LAMC2: variants seen among roughly 807,000 people sequenced by gnomAD.
LAMC2 encodes laminin subunit gamma 2.
Under a neutral mutation model 140.2 loss-of-function variants are expected in LAMC2, and 97 were observed. The observed-to-expected ratio is 0.69, with a 90% CI of 0.59 to 0.82. LAMC2 has a LOEUF of 0.82. Ranked by LOEUF, LAMC2 falls within the 40% of genes least tolerant of loss-of-function variation. LAMC2 has a pLI of 0.00. For synonymous variants in LAMC2, 513 were observed against 540.2 expected, an observed-to-expected ratio of 0.95 and a Z score of 0.70; for missense variants, 1,402 against 1,476.1, an observed-to-expected ratio of 0.95 and a Z score of 0.82.
chr1:183,195,008 G>C (rs530627973), intron 1 of LAMC2, among the ~76,000 whole-genome samples: 1 of 152,298 alleles, frequency 6.6e-6, no homozygotes, highest in South Asian at 2.1e-4. Flanking sequence ...GCCTTTGACA[G>C]TGCCAGCTAT....
At chr1:183,192,486 C>T (rs568220931) in intron 1 of LAMC2, among the ~76,000 whole-genome samples, 1 of 152,242 alleles carries the variant, frequency 6.6e-6, no homozygotes, top group Non-Finnish European at 1.5e-5. Context: ...GGGTTCTCTA[C>T]AAGAGCCTCT....
downstream of LAMC2, among the ~76,000 whole-genome samples, chr1:183,248,073 T>C (rs1660276288): frequency 2.0e-5 from 3 of 152,246 alleles, no homozygotes; most frequent in South Asian, 6.2e-4. Context: ...TGGATGTGGC[T>C]GTACATACTT....
In LAMC2 at chr1:183,238,413, A is replaced by C; in HGVS notation, c.2861A>C (p.Asn954Thr). Residue 954 changes from asparagine (N) to threonine (T), a missense_variant, in exon 19 of 23, where the codon AAC becomes ACC. By Grantham distance (65) the Asn-to-Thr change is moderately conservative. Around this residue, in one of 3 missense-constraint regions of LAMC2, gnomAD observed 670 missense variants for 667.2 expected, o/e 1.00. Coordinates refer to ENST00000264144, the MANE Select transcript of LAMC2 (RefSeq NM_005562.3). ...TFYEVESILK[N>T]LREFDLQVDN... ...TATGAAGTTGAGAGCATCCTTAAAAACCTCAGAGGTTAGTACTTCATGGTT... is the reference window on the plus strand; with the variant it reads ...TATGAAGTTGAGAGCATCCTTAAAACCCTCAGAGGTTAGTACTTCATGGTT... 6.2e-7 allele frequency: 1 copy of C among 1,607,572 alleles called. No homozygotes were observed. Among genetic ancestry groups the C allele is most frequent in the South Asian group, 1.1e-5 (1 of 90,966 alleles).
At chr1:183,197,894 A>T (rs1217792007) in intron 1 of LAMC2, among the ~76,000 whole-genome samples, 1 of 147,280 alleles carries the variant, frequency 6.8e-6, no homozygotes, top group Non-Finnish European at 1.5e-5. Context: ...AGGAGCACCG[A>T]CATTTAGAGT....
intron 2 of LAMC2, among the ~76,000 whole-genome samples, chr1:183,213,460 T>C (rs1558086612): frequency 1.3e-5 from 2 of 152,204 alleles, no homozygotes; most frequent in African/African-American, 4.8e-5. Context: ...TAGCGACTGG[T>C]CAATGTTCCC....
At chr1:183,195,352 CATAATCATTCAAAA>C (rs1658482469) in intron 1 of LAMC2, among the ~76,000 whole-genome samples, 2 of 152,248 alleles carry the variant, frequency 1.3e-5, no homozygotes, top group Middle Eastern at 3.4e-3. Flanking sequence ...CCTCTGAAGC[CATAATCATTCAAAA>C]GGAAATGGCA....
chr1:183,256,783 T>A, the LAMC2 span, among the ~76,000 whole-genome samples: 1 of 152,194 alleles, frequency 6.6e-6, no homozygotes, highest in African/African-American at 2.4e-5. Flanking sequence ...TCTTTTTTTT[T>A]CTGTTGCCCA....
intron 14 of LAMC2, among the ~76,000 whole-genome samples, chr1:183,234,133 C>T (rs746316155): frequency 3.1e-4 from 47 of 152,018 alleles, no homozygotes; most frequent in Non-Finnish European, 5.9e-4. Flanking sequence ...GTGATTCACC[C>T]GCCCTGGCCT....
chr1:183,258,175 G>T, the LAMC2 span, among the ~76,000 whole-genome samples: 1 of 152,134 alleles, frequency 6.6e-6, no homozygotes, highest in African/African-American at 2.4e-5. Flanking sequence ...CTTCTGCACA[G>T]TTTTTTTCCA....
At chr1:183,256,632 G>A in the LAMC2 span, among the ~76,000 whole-genome samples, 1 of 152,196 alleles carries the variant, frequency 6.6e-6, no homozygotes, top group Admixed American at 6.5e-5. Context: ...CCAGCCTTGT[G>A]TGCCAGGGAT....
At chr1:183,256,791 C>T in the LAMC2 span, among the ~76,000 whole-genome samples, 2 of 151,976 alleles carry the variant, frequency 1.3e-5, no homozygotes, top group Admixed American at 1.3e-4. Context: ...TTTCTGTTGC[C>T]CAGGCTGGAG....
intron 1 of LAMC2, among the ~76,000 whole-genome samples, chr1:183,190,141 C>T (rs953468304): frequency 2.6e-5 from 4 of 152,206 alleles, no homozygotes; most frequent in African/African-American, 9.6e-5. Context: ...CAAGCTACCT[C>T]ACCTGTTACT....
At chr1:183,252,593 G>T in the LAMC2 span, 1 of 1,256,050 alleles carries the variant, frequency 8.0e-7, no homozygotes. Context: ...GAAACAGGGG[G>T]CTGACAAAGA....
chr1:183,249,097 C>T (rs1434859272), downstream of LAMC2: 53 of 152,140 alleles, frequency 3.5e-4, 1 homozygote, highest in Admixed American at 3.5e-3. Flanking sequence ...AACTAGAGAA[C>T]ATTGTTGAAA....
chr1:183,219,403 A>G (rs1224183617), intron 4 of LAMC2, among the ~76,000 whole-genome samples: 1 of 152,216 alleles, frequency 6.6e-6, no homozygotes, highest in Non-Finnish European at 1.5e-5. Context: ...GCCACATAAA[A>G]GAAATGTTAT....
chr1:183,207,192 A>G (rs1453193949), intron 1 of LAMC2, among the ~76,000 whole-genome samples: 1 of 151,932 alleles, frequency 6.6e-6, no homozygotes, highest in Non-Finnish European at 1.5e-5. Flanking sequence ...TTGGTGTCTC[A>G]GTGTGCCGGG....
intron 16 of LAMC2, 123 bp downstream of exon 16, chr1:183,235,853 G>A: frequency 5.2e-6 from 5 of 954,100 alleles, no homozygotes; most frequent in Non-Finnish European, 8.1e-6. Flanking sequence ...ATAATAAGAG[G>A]GCCGAAATCA....
intron 22 of LAMC2, among the ~76,000 whole-genome samples, chr1:183,241,936 T>A (rs1376699208): frequency 6.6e-6 from 1 of 152,202 alleles, no homozygotes; most frequent in Non-Finnish European, 1.5e-5. Flanking sequence ...AGATGGAAGC[T>A]ATTAAACATT....
In LAMC2 at chr1:183,208,073, GCTGAAAAGGA is replaced by G. The variant is rs1483156698; in HGVS notation, c.268+6_268+15del. ...CCCTGCAATTGTAACTCCAAAGGTA[GCTGAAAAGGA>G]CGGAAAGAGGGAGAGGGAGATGGAG... On this transcript the variant is annotated splice_donor_5th_base_variant and intron_variant, in intron 2 of 22. Coordinates refer to ENST00000264144, the MANE Select transcript of LAMC2 (RefSeq NM_005562.3). The G allele has an allele frequency of 6.2e-7, 1 of 1,613,068 alleles. No individual in the cohort carries two copies. The highest frequency in any genetic ancestry group is 8.5e-7 in the Non-Finnish European group (1 of 1,179,150).
Sources: allele counts gnomAD v4.1 joint callset (sites outside exome capture counted in the v4.1 genomes callset), GRCh38; gene constraint gnomAD v4.1.1; regional missense constraint gnomAD v4.1.1; transcripts MANE v1.5; gene names NCBI Gene and HGNC (gene_info 2026-07-23, HGNC 2026-07-21).